The following MKLN1 variants were observed in gnomAD, a reference collection of about 807,000 sequenced individuals.
MKLN1 encodes muskelin.
A neutral mutation model predicts 99.0 loss-of-function variants in MKLN1; 18 were observed. The observed-to-expected ratio is 0.18, with a 90% CI of 0.13 to 0.27. The LOEUF (loss-of-function observed/expected upper bound fraction) is 0.27, where lower values mean the gene tolerates loss of function less well. MKLN1 is among the 10% of genes least tolerant of loss of function. The pLI is 1.00. For synonymous variants in MKLN1, 288 were observed against 293.2 expected, an observed-to-expected ratio of 0.98 and a Z score of 0.18; for missense variants, 621 against 875.9, an observed-to-expected ratio of 0.71 and a Z score of 3.67.
At chr7:131,197,991 T>C (rs6467362) in intron 2 of MKLN1, among the ~76,000 whole-genome samples, 147,442 of 152,226 alleles carry the variant, frequency 0.97, 71,530 homozygotes, top group Non-Finnish European at 1. Flanking sequence ...CACACCACCA[T>C]ACTGGACTAA....
intron 3 of MKLN1, among the ~76,000 whole-genome samples, chr7:131,283,954 A>G (rs1367381772): frequency 6.6e-6 from 1 of 152,216 alleles, no homozygotes; most frequent in Non-Finnish European, 1.5e-5. Flanking sequence ...AATCCATTCT[A>G]TATAACATAA....
chr7:131,455,079 T>C (rs1796293828), intron 12 of MKLN1, among the ~76,000 whole-genome samples: 1 of 152,234 alleles, frequency 6.6e-6, no homozygotes, highest in African/African-American at 2.4e-5. Flanking sequence ...TTTATTAGAT[T>C]CTGTATTTCT....
At chr7:131,308,959 GGAT>G (rs1798512814) in intron 3 of MKLN1, among the ~76,000 whole-genome samples, 1 of 152,188 alleles carries the variant, frequency 6.6e-6, no homozygotes, top group Non-Finnish European at 1.5e-5. Flanking sequence ...AGCTTGTGGG[GGAT>G]GATAAGACAA....
chr7:131,303,267 C>T (rs1012748009), intron 3 of MKLN1, among the ~76,000 whole-genome samples: 12 of 152,210 alleles, frequency 7.9e-5, no homozygotes, highest in African/African-American at 2.9e-4. Flanking sequence ...TGTCTGATTT[C>T]TGCAGCAGGC....
chr7:131,117,564 A>G (rs1207932680), intron 1 of MKLN1, among the ~76,000 whole-genome samples: 3 of 152,380 alleles, frequency 2.0e-5, no homozygotes, highest in South Asian at 2.1e-4. Flanking sequence ...TTCATGATAC[A>G]TTACTAAGTA....
intron 14 of MKLN1, 63 bp from the exon 15 acceptor site, chr7:131,466,213 G>C: frequency 7.9e-7 from 1 of 1,267,890 alleles, no homozygotes; most frequent in Admixed American, 2.1e-5. Context: ...GTTATGCACT[G>C]CTACTAGAAT....
chr7:131,231,966 A>C (rs1349566153), intron 3 of MKLN1, among the ~76,000 whole-genome samples: 1 of 152,212 alleles, frequency 6.6e-6, no homozygotes, highest in Admixed American at 6.5e-5. Context: ...TTAGAGTGTT[A>C]AAAATTACTG....
intron 3 of MKLN1, among the ~76,000 whole-genome samples, chr7:131,232,084 G>A (rs1054955645): frequency 1.3e-5 from 2 of 151,936 alleles, no homozygotes; most frequent in South Asian, 2.1e-4. Flanking sequence ...TATTTATTTG[G>A]ATCAGTGATT....
intron 2 of MKLN1, among the ~76,000 whole-genome samples, chr7:131,174,122 G>A (rs1045292331): frequency 3.3e-5 from 5 of 151,794 alleles, no homozygotes; most frequent in South Asian, 2.1e-4. Context: ...ACAGGTGCCC[G>A]CCACCGCACC....
intron 3 of MKLN1, among the ~76,000 whole-genome samples, chr7:131,244,928 C>G (rs1584863754): frequency 6.6e-6 from 1 of 152,326 alleles, no homozygotes; most frequent in East Asian, 1.9e-4. Context: ...CGGCGGCACC[C>G]TTTCCTCCAG....
chr7:131,217,268 CA>C (rs1796996340), intron 3 of MKLN1, among the ~76,000 whole-genome samples: 1 of 152,102 alleles, frequency 6.6e-6, no homozygotes, highest in Non-Finnish European at 1.5e-5. Flanking sequence ...TTTTTTTCAA[CA>C]AATACAAATA....
intron 3 of MKLN1, among the ~76,000 whole-genome samples, chr7:131,302,142 C>T (rs1798384945): frequency 6.6e-6 from 1 of 152,082 alleles, no homozygotes; most frequent in South Asian, 2.1e-4. Flanking sequence ...CTATTTCTAT[C>T]GCCTCTATTA....
intron 3 of MKLN1, among the ~76,000 whole-genome samples, chr7:131,317,038 G>C (rs892937855): frequency 6.6e-6 from 1 of 152,102 alleles, no homozygotes; most frequent in Non-Finnish European, 1.5e-5. Flanking sequence ...CACACTTCAG[G>C]ATATTATCCA....
chr7:131,251,401 A>G (rs985342208), intron 3 of MKLN1, among the ~76,000 whole-genome samples: 1 of 152,120 alleles, frequency 6.6e-6, no homozygotes, highest in Non-Finnish European at 1.5e-5. Flanking sequence ...ATTCACACAT[A>G]GGGGTTTTTG....
intron 2 of MKLN1, among the ~76,000 whole-genome samples, chr7:131,182,285 T>C (rs1311717544): frequency 6.6e-6 from 1 of 152,256 alleles, no homozygotes; most frequent in Non-Finnish European, 1.5e-5. Context: ...CAGGTTCCCA[T>C]AGCTTTCAGG....
intron 12 of MKLN1, among the ~76,000 whole-genome samples, chr7:131,449,030 G>A (rs1263371588): frequency 6.6e-6 from 1 of 152,200 alleles, no homozygotes. Flanking sequence ...TCTAAGTACT[G>A]TGAATAAAAT....
At chr7:131,315,324 C>A (rs1337891220) in intron 3 of MKLN1, among the ~76,000 whole-genome samples, 1 of 152,082 alleles carries the variant, frequency 6.6e-6, no homozygotes, top group African/African-American at 2.4e-5. Context: ...GCTGGGGGAC[C>A]TCCCTCCCCT....
intron 1 of MKLN1, among the ~76,000 whole-genome samples, chr7:131,339,265 T>G (rs910537882): frequency 6.6e-6 from 1 of 152,242 alleles, no homozygotes; most frequent in Non-Finnish European, 1.5e-5. Flanking sequence ...AGCAGTTGTT[T>G]TATTCTTGTT....
chr7:131,310,543 G>A (rs1408997095), intron 3 of MKLN1: 1 of 152,192 alleles, frequency 6.6e-6, no homozygotes, highest in African/African-American at 2.4e-5. Context: ...ATACACAGCG[G>A]AAATATTTTG....
Sources: allele counts gnomAD v4.1 joint callset (sites outside exome capture counted in the v4.1 genomes callset), GRCh38; gene constraint gnomAD v4.1.1; transcripts MANE v1.5; gene names NCBI Gene and HGNC (gene_info 2026-07-23, HGNC 2026-07-21).